The following KLRD1 variants were observed in gnomAD, a reference collection of about 807,000 sequenced individuals.
The protein encoded by KLRD1 is killer cell lectin like receptor D1, also known as natural killer cells antigen CD94.
In KLRD1, 21 loss-of-function variants were observed where a neutral mutation model predicts 22.6. The ratio of observed to expected loss-of-function variants is 0.93; its 90% CI spans 0.66 to 1.34. The LOEUF is 1.34. Among genes scored for constraint, KLRD1 ranks in the 40% most tolerant of loss-of-function variants. KLRD1 has a pLI of 0.00. For missense variants in KLRD1, 183 were observed against 208.6 expected (o/e 0.88, Z 0.76); for synonymous variants, 59 against 71.1 (o/e 0.83, Z 0.85).
At chr12:10,258,286 A>G (rs1197038149) in intron 1 of KLRD1, among the ~76,000 whole-genome samples, 1 of 152,188 alleles carries the variant, frequency 6.6e-6, no homozygotes, top group Non-Finnish European at 1.5e-5. Flanking sequence ...CAGTGGCACC[A>G]TGCACTATCC....
At chr12:10,244,523 T>C (rs1592018651) in intron 1 of KLRD1, among the ~76,000 whole-genome samples, 1 of 152,204 alleles carries the variant, frequency 6.6e-6, no homozygotes, top group Non-Finnish European at 1.5e-5. Context: ...GGCTCATGCC[T>C]GTAATCCCAG....
intron 1 of KLRD1, among the ~76,000 whole-genome samples, chr12:10,240,496 A>G (rs1365831973): frequency 3.3e-5 from 5 of 152,172 alleles, no homozygotes; most frequent in Non-Finnish European, 7.3e-5. Context: ...TGACTAATGT[A>G]GAGACAAGAG....
intron 3 of KLRD1, among the ~76,000 whole-genome samples, chr12:10,310,627 A>C (rs1407272370): frequency 1.3e-5 from 2 of 152,124 alleles, no homozygotes; most frequent in East Asian, 3.9e-4. Flanking sequence ...TGTACTAAAA[A>C]TACAAAAATT....
chr12:10,254,333 C>G (rs1205969230), intron 1 of KLRD1, among the ~76,000 whole-genome samples: 1 of 146,352 alleles, frequency 6.8e-6, no homozygotes, highest in Non-Finnish European at 1.5e-5. Flanking sequence ...GAGGCTGAGG[C>G]AGGTGAATGG....
intron 1 of KLRD1, among the ~76,000 whole-genome samples, chr12:10,286,174 G>T (rs1489179070): frequency 1.3e-5 from 2 of 152,132 alleles, no homozygotes; most frequent in African/African-American, 4.8e-5. Flanking sequence ...GGTGTGATGT[G>T]TCAGCCACAC....
chr12:10,323,891 T>G lies in KLRD1; in HGVS notation c.*9098T>G, dbSNP rs1950334962. ...TTTTTTTTTTTTTTGAGACTGAGTATTGCTCTGTCACCCAGATTAGAGTGC... is the reference window on the plus strand; with the variant it reads ...TTTTTTTTTTTTTTGAGACTGAGTAGTGCTCTGTCACCCAGATTAGAGTGC... On this transcript the variant is annotated 3_prime_UTR_variant, in exon 6 of 6. Coordinates refer to ENST00000336164, the MANE Select transcript of KLRD1 (RefSeq NM_002262.5). 2.3e-5 allele frequency: 3 copies of G among 129,668 alleles called. No homozygotes were observed. The highest frequency in any genetic ancestry group is 5.1e-4 in the South Asian group (2 of 3,906). 8.0% of individuals were successfully genotyped at this position (129,668 alleles called of 1,614,324 possible). A position where few individuals can be genotyped will look rare whatever the true frequency, so the allele number is the denominator to read the frequency against.
At chr12:10,254,816 C>T (rs1949379083) in intron 1 of KLRD1, among the ~76,000 whole-genome samples, 1 of 132,302 alleles carries the variant, frequency 7.6e-6, no homozygotes, top group African/African-American at 2.8e-5. Context: ...TCACTTGAAC[C>T]CAGGAGGCGG....
At chr12:10,263,611 G>A (rs1048994881) in intron 1 of KLRD1, among the ~76,000 whole-genome samples, 6 of 152,014 alleles carry the variant, frequency 3.9e-5, no homozygotes, top group Non-Finnish European at 8.8e-5. Context: ...GATCAGATCT[G>A]ATCCCTGTCC....
intron 1 of KLRD1, among the ~76,000 whole-genome samples, chr12:10,239,527 CTTTCTTTCTTTCTTTCTT>C (rs1565443347): frequency 5.2e-5 from 2 of 38,448 alleles, no homozygotes; most frequent in Admixed American, 2.6e-4. Flanking sequence ...CCCTTTCTTT[CTTTCTTTCTTTCTTTCTT>C]TCTTTCTTTC....
At chr12:10,254,725 G>C (rs1050985918) in intron 1 of KLRD1, among the ~76,000 whole-genome samples, 4 of 151,698 alleles carry the variant, frequency 2.6e-5, no homozygotes, top group African/African-American at 9.7e-5. Flanking sequence ...CCTGTCTCAT[G>C]TAAAAATACA....
intron 1 of KLRD1, among the ~76,000 whole-genome samples, chr12:10,247,859 C>T (rs1052499716): frequency 2.0e-5 from 3 of 152,164 alleles, no homozygotes; most frequent in Admixed American, 6.5e-5. Flanking sequence ...CCTTCTGCCA[C>T]GATTGAGACC....
At chr12:10,266,419 AT>A (rs1346762941) in intron 1 of KLRD1, among the ~76,000 whole-genome samples, 3 of 151,952 alleles carry the variant, frequency 2.0e-5, no homozygotes, top group Admixed American at 6.6e-5. Context: ...GAAGTTGGAC[AT>A]TTTTCCTACT....
At chr12:10,255,010 C>T (rs896537281) in intron 1 of KLRD1, among the ~76,000 whole-genome samples, 4 of 149,984 alleles carry the variant, frequency 2.7e-5, no homozygotes, top group Non-Finnish European at 5.9e-5. Flanking sequence ...CATCGCTGAT[C>T]ATTAGAAAAA....
chr12:10,243,636 G>GAAACA (rs1949263487), intron 1 of KLRD1, among the ~76,000 whole-genome samples: 1 of 124,394 alleles, frequency 8.0e-6, no homozygotes, highest in African/African-American at 3.1e-5. Flanking sequence ...AAAAAAAACC[G>GAAACA]AAATGAAAGA....
chr12:10,295,260 A>T (rs762526249), intron 1 of KLRD1, among the ~76,000 whole-genome samples: 17 of 152,140 alleles, frequency 1.1e-4, no homozygotes, highest in Non-Finnish European at 1.9e-4. Context: ...TATTTATCCT[A>T]CGAGATCATG....
intron 1 of KLRD1, among the ~76,000 whole-genome samples, chr12:10,251,837 G>C (rs1949349096): frequency 6.6e-6 from 1 of 152,152 alleles, no homozygotes; most frequent in East Asian, 1.9e-4. Context: ...CTGCGGACCT[G>C]ACAGGAAGCA....
At chr12:10,305,613 C>G (rs569778638), upstream of KLRD1, among the ~76,000 whole-genome samples, 1 of 152,142 alleles carries the variant, frequency 6.6e-6, no homozygotes, top group Non-Finnish European at 1.5e-5. Flanking sequence ...TCACAAGATT[C>G]GTTTGTTGAC....
rs200116776 is a variant in KLRD1, at chr12:10,314,309, G to C, written c.420-364G>C. Reference sequence around the variant, plus strand: ...GAATCTCATTTTCATTTATAAACATGAGATTTGCAGCATCACACAGGGACA... The same window carrying C: ...GAATCTCATTTTCATTTATAAACATCAGATTTGCAGCATCACACAGGGACA... On this transcript the variant is annotated intron_variant, in intron 5 of 5. Coordinates refer to ENST00000336164, the MANE Select transcript of KLRD1 (RefSeq NM_002262.5). Among the ~76,000 whole-genome samples the C allele has an allele frequency of 1.4e-4, 21 of 152,234 alleles. 1 individual carries two copies. In the East Asian group the frequency reaches 4.0e-3, roughly 29 times the overall value.
rs1475686610 is a variant in KLRD1, at chr12:10,316,189, T to G, written c.*1396T>G. On this transcript the variant is annotated 3_prime_UTR_variant, in exon 6 of 6. Transcript: ENST00000336164. ...TGCATCTGAAAAACTGCCTCACCTT[T>G]GTTATTTAGTGTACTCCAACCACGG... 6.6e-6 allele frequency: 1 copy of G among 151,464 alleles called. No individual in the cohort carries two copies. The highest frequency in any genetic ancestry group is 2.4e-5 in the African/African-American group (1 of 41,166). The allele number at this position is 151,464 out of a possible 1,614,324, so 9.4% of individuals were successfully genotyped here. A position where few individuals can be genotyped will look rare whatever the true frequency, so the allele number is the denominator to read the frequency against.
Sources: gnomAD v4.1 joint callset for allele counts (sites outside exome capture counted in the v4.1 genomes callset) on GRCh38, gnomAD v4.1.1 for gene constraint, MANE v1.5 for transcripts, NCBI Gene and HGNC (gene_info 2026-07-23, HGNC 2026-07-21) for gene names.